The following PLCL1 variants were observed in gnomAD, a reference collection of about 807,000 sequenced individuals.
PLCL1 encodes the protein inactive phospholipase C-like protein 1.
PLCL1 carries 41 observed loss-of-function variants against 84.4 expected under a neutral mutation model. The ratio of observed to expected loss-of-function variants is 0.49; its 90% confidence interval spans 0.38 to 0.63. The LOEUF is 0.63. Ranked by LOEUF, PLCL1 falls within the 30% of genes least tolerant of loss-of-function variation. PLCL1 has a pLI of 0.00. For synonymous variants in PLCL1, 490 were observed against 488.3 expected, an observed-to-expected ratio of 1.00 and a Z score of -0.05; for missense variants, 1,206 against 1,367.8, an observed-to-expected ratio of 0.88 and a Z score of 1.87.
chr2:197,814,656 G>C (rs1690652074), intron 1 of PLCL1, among the ~76,000 whole-genome samples: 1 of 152,170 alleles, frequency 6.6e-6, no homozygotes, highest in African/African-American at 2.4e-5. Context: ...GCTGAGATAG[G>C]CTGAAAGGTA....
intron 1 of PLCL1, among the ~76,000 whole-genome samples, chr2:198,072,650 TTCTTC>T (rs1275884760): frequency 1.3e-5 from 2 of 151,990 alleles, no homozygotes; most frequent in African/African-American, 2.4e-5. Flanking sequence ...TAAGGAAGTT[TTCTTC>T]TCTTCTCAGT....
intron 3 of PLCL1, among the ~76,000 whole-genome samples, chr2:198,097,725 G>T (rs184656775): frequency 3.9e-4 from 60 of 152,312 alleles, no homozygotes; most frequent in Admixed American, 2.2e-3. Flanking sequence ...GACTTGCTGT[G>T]TGCAAGTTCA....
intron 1 of PLCL1, among the ~76,000 whole-genome samples, chr2:197,883,546 A>G (rs1687867383): frequency 6.6e-6 from 1 of 152,202 alleles, no homozygotes; most frequent in Non-Finnish European, 1.5e-5. Context: ...CATGTAAGGG[A>G]AGGTCCTGAC....
intron 1 of PLCL1, among the ~76,000 whole-genome samples, chr2:197,841,515 G>T (rs975815235): frequency 1.3e-5 from 2 of 152,170 alleles, no homozygotes; most frequent in Admixed American, 1.3e-4. Context: ...TGCATTTAAA[G>T]TTCCTCCATG....
chr2:197,972,895 A>G (rs1559060911), intron 1 of PLCL1, among the ~76,000 whole-genome samples: 1 of 152,190 alleles, frequency 6.6e-6, no homozygotes, highest in Non-Finnish European at 1.5e-5. Context: ...CCAGTTCTCC[A>G]TACACTTTGA....
rs753548194 is a variant in PLCL1, at chr2:198,084,918, C to A, written c.1401C>A (p.Ser467=). The A allele has an allele frequency of 8.1e-6, 13 of 1,613,776 alleles. No homozygotes were observed. In the Admixed American group the frequency reaches 1.7e-4, roughly 21 times the overall value. The change falls in exon 2 of 6, where the codon TCC becomes TCA. Residue 467 remains serine (S), a synonymous_variant. Transcript: ENST00000428675. ...CNRNNMTTHV[S]FRSVIEVINK... The stretch of plus-strand genomic sequence containing the variant: ...GAAATAACATGACAACCCATGTTTC[C>A]TTTCGAAGTGTCATAGAGGTAATAA...
intron 4 of PLCL1, among the ~76,000 whole-genome samples, chr2:198,103,556 A>G (rs985773374): frequency 5.3e-5 from 8 of 152,004 alleles, no homozygotes; most frequent in African/African-American, 1.9e-4. Context: ...TTGTACCCAT[A>G]GAATTTACTT....
intron 1 of PLCL1, among the ~76,000 whole-genome samples, chr2:197,939,959 G>A (rs1689126644): frequency 6.6e-6 from 1 of 152,132 alleles, no homozygotes; most frequent in Non-Finnish European, 1.5e-5. Flanking sequence ...CCTCAGAGAT[G>A]TGATTTGATC....
At chr2:197,898,691 T>C (rs1417654832) in intron 1 of PLCL1, among the ~76,000 whole-genome samples, 1 of 77,720 alleles carries the variant, frequency 1.3e-5, no homozygotes, top group Non-Finnish European at 2.7e-5. Context: ...ACAATACTTA[T>C]AATTTATTAA....
intron 1 of PLCL1, among the ~76,000 whole-genome samples, chr2:198,054,815 G>A (rs901779721): frequency 2.0e-5 from 3 of 152,096 alleles, no homozygotes; most frequent in Non-Finnish European, 1.5e-5. Flanking sequence ...GTTCATAGTG[G>A]GGATGGCCAA....
intron 1 of PLCL1, among the ~76,000 whole-genome samples, chr2:197,881,412 A>AG (rs1687825504): frequency 6.6e-6 from 1 of 151,988 alleles, no homozygotes; most frequent in Non-Finnish European, 1.5e-5. Flanking sequence ...TTTCAGGCCC[A>AG]GGTGGTGTTT....
At chr2:198,092,150 C>A (rs1693060534) in intron 3 of PLCL1, among the ~76,000 whole-genome samples, 1 of 152,036 alleles carries the variant, frequency 6.6e-6, no homozygotes, top group Admixed American at 6.6e-5. Context: ...GCCTCTCTCA[C>A]CTGCTTCCCC....
chr2:198,118,489 C>T (rs1693796368), intron 5 of PLCL1, among the ~76,000 whole-genome samples: 1 of 151,954 alleles, frequency 6.6e-6, no homozygotes, highest in African/African-American at 2.4e-5. Context: ...GTCAAAGATA[C>T]TCAGGAAAAG....
chr2:197,970,734 C>A (rs946999143), intron 1 of PLCL1, among the ~76,000 whole-genome samples: 3 of 152,118 alleles, frequency 2.0e-5, no homozygotes, highest in African/African-American at 7.2e-5. Context: ...AGAGTTGTAT[C>A]CGTTTTACCT....
intron 3 of PLCL1, among the ~76,000 whole-genome samples, chr2:198,089,876 TATAGTAAGATA>T (rs1329054112): frequency 6.6e-6 from 1 of 152,076 alleles, no homozygotes; most frequent in East Asian, 1.9e-4. Flanking sequence ...ATTAAGAAAA[TATAGTAAGATA>T]TTCCCCTCAC....
intron 1 of PLCL1, among the ~76,000 whole-genome samples, chr2:198,079,817 T>C (rs988125800): frequency 1.3e-5 from 2 of 152,194 alleles, no homozygotes; most frequent in Non-Finnish European, 2.9e-5. Flanking sequence ...TATTAGGAAG[T>C]AGAAAGGATT....
chr2:198,118,537 A>G lies in PLCL1; in HGVS notation c.3105+14601A>G, dbSNP rs547457278. 9.3e-4 allele frequency among the ~76,000 whole-genome samples: 141 copies of G among 152,140 alleles called. 1 individual carries two copies. The highest frequency in any genetic ancestry group is 1.5e-3 in the Non-Finnish European group (105 of 67,948). ...TCTCTGAACTACAGGAGACTTGAAA[A>G]TTAATTACATGAAACTTTATGAATT... On this transcript the variant is annotated intron_variant, in intron 5 of 5. Transcript: ENST00000428675.
At chr2:197,877,920 T>A (rs1479735863) in intron 1 of PLCL1, among the ~76,000 whole-genome samples, 1 of 152,088 alleles carries the variant, frequency 6.6e-6, no homozygotes, top group East Asian at 1.9e-4. Flanking sequence ...CAGGAGTAAG[T>A]AGGTCCTACA....
intron 1 of PLCL1, among the ~76,000 whole-genome samples, chr2:197,964,420 C>T (rs1295683013): frequency 6.6e-6 from 1 of 152,012 alleles, no homozygotes; most frequent in African/African-American, 2.4e-5. Context: ...GGCATATAGA[C>T]ATGCTACTGA....
Sources: allele counts gnomAD v4.1 joint callset (sites outside exome capture counted in the v4.1 genomes callset), GRCh38; gene constraint gnomAD v4.1.1; transcripts MANE v1.5; gene names NCBI Gene and HGNC (gene_info 2026-07-23, HGNC 2026-07-21).